Variants in ADCYAP1R1 observed in about 807,000 individuals in gnomAD.
The protein encoded by ADCYAP1R1 is ADCYAP receptor type I.
In ADCYAP1R1, 44 loss-of-function variants were observed where a neutral mutation model predicts 67.6. The observed-to-expected ratio is 0.65, with a 90% CI of 0.51 to 0.84. The LOEUF is 0.84. ADCYAP1R1 is among the 40% of genes least tolerant of loss of function. The pLI is 0.00. For missense variants in ADCYAP1R1, 477 were observed against 587.9 expected (o/e 0.81, Z 1.95); for synonymous variants, 222 against 219.6 (o/e 1.01, Z -0.10).
chr7:31,106,293 C>T (rs1796642546), intron 15 of ADCYAP1R1, among the ~76,000 whole-genome samples: 1 of 152,192 alleles, frequency 6.6e-6, no homozygotes, highest in Non-Finnish European at 1.5e-5. Flanking sequence ...AGGGGCTGTT[C>T]CGGTCAGCTC....
At chr7:31,073,317 A>T (rs547510094) in intron 3 of ADCYAP1R1, among the ~76,000 whole-genome samples, 6 of 152,340 alleles carry the variant, frequency 3.9e-5, no homozygotes, top group Admixed American at 3.3e-4. Context: ...TATGTCTTGA[A>T]TAAATGAGTA....
chr7:31,105,903 G>A (rs1040474778), intron 15 of ADCYAP1R1, among the ~76,000 whole-genome samples: 3 of 152,222 alleles, frequency 2.0e-5, no homozygotes, highest in Non-Finnish European at 4.4e-5. Flanking sequence ...GGCACATGGA[G>A]GCTGAGACTC....
intron 1 of ADCYAP1R1, among the ~76,000 whole-genome samples, chr7:31,060,097 A>G (rs1794433259): frequency 1.3e-5 from 2 of 151,810 alleles, no homozygotes; most frequent in African/African-American, 4.8e-5. Context: ...CCTGGCGATG[A>G]AGCAGAGGGC....
intron 13 of ADCYAP1R1, among the ~76,000 whole-genome samples, chr7:31,095,060 C>T (rs1472539146): frequency 6.6e-6 from 1 of 152,050 alleles, no homozygotes; most frequent in African/African-American, 2.4e-5. Context: ...GTCAAGGAGA[C>T]CCTGTCGGCC....
chr7:31,063,415 C>A, intron 2 of ADCYAP1R1, 100 bp downstream of exon 2: 1 of 1,389,316 alleles, frequency 7.2e-7, no homozygotes, highest in Non-Finnish European at 1.0e-6. Context: ...AGCTCTTCAT[C>A]TGGCTGGTAT....
intron 11 of ADCYAP1R1, 69 bp downstream of exon 11, chr7:31,087,072 G>T (rs1284444638): frequency 1.3e-6 from 2 of 1,553,918 alleles, no homozygotes; most frequent in Admixed American, 1.7e-5. Context: ...CTCAGTAGCT[G>T]CCCTGACTTC....
intron 1 of ADCYAP1R1, among the ~76,000 whole-genome samples, chr7:31,055,611 C>T: frequency 6.6e-6 from 1 of 152,132 alleles, no homozygotes; most frequent in East Asian, 1.9e-4. Flanking sequence ...TCTTTCCAAC[C>T]ATTTAGAAAT....
intron 1 of ADCYAP1R1, among the ~76,000 whole-genome samples, chr7:31,057,858 C>T (rs902864386): frequency 7.2e-5 from 11 of 152,188 alleles, no homozygotes; most frequent in African/African-American, 2.7e-4. Flanking sequence ...GAGTGATGTA[C>T]TTAGCCTGGC....
At chr7:31,083,154 C>T (rs1159435109) in intron 6 of ADCYAP1R1, among the ~76,000 whole-genome samples, 1 of 152,254 alleles carries the variant, frequency 6.6e-6, no homozygotes, top group East Asian at 1.9e-4. Context: ...GAAGAACCAA[C>T]CACATGTGTC....
At chr7:31,066,031 A>G (rs988604474) in intron 3 of ADCYAP1R1, among the ~76,000 whole-genome samples, 16 of 151,844 alleles carry the variant, frequency 1.1e-4, no homozygotes, top group Non-Finnish European at 2.1e-4. Context: ...AGCCCTAACC[A>G]AGGTTGAACG....
At chr7:31,069,005 C>T (rs1794860861) in intron 3 of ADCYAP1R1, among the ~76,000 whole-genome samples, 2 of 152,166 alleles carry the variant, frequency 1.3e-5, no homozygotes, top group Admixed American at 6.5e-5. Flanking sequence ...TGTAGAGCCC[C>T]CAGGAGCATT....
chr7:31,064,741 C>G, intron 2 of ADCYAP1R1, 90 bp from the exon 3 acceptor site: 1 of 1,055,818 alleles, frequency 9.5e-7, no homozygotes, highest in Non-Finnish European at 1.4e-6. Context: ...TCCCCACTCC[C>G]CCCAAGACAC....
intron 1 of ADCYAP1R1, among the ~76,000 whole-genome samples, chr7:31,055,404 T>C (rs1794198573): frequency 6.6e-6 from 1 of 152,106 alleles, no homozygotes; most frequent in Non-Finnish European, 1.5e-5. Flanking sequence ...GGCAACCTTT[T>C]TCTGTAAAGT....
At chr7:31,084,511 A>G (rs1192752490) in intron 7 of ADCYAP1R1, among the ~76,000 whole-genome samples, 2 of 152,248 alleles carry the variant, frequency 1.3e-5, no homozygotes, top group Non-Finnish European at 2.9e-5. Flanking sequence ...TCTTGCCTTC[A>G]ACAGCATATA....
At chr7:31,072,215 G>A (rs1447292556) in intron 3 of ADCYAP1R1, among the ~76,000 whole-genome samples, 2 of 152,172 alleles carry the variant, frequency 1.3e-5, no homozygotes. Context: ...AGAGGTAGGA[G>A]GTGGAGCTCA....
intron 14 of ADCYAP1R1, 59 bp downstream of exon 14, chr7:31,103,425 CTG>C: frequency 6.2e-7 from 1 of 1,610,406 alleles, no homozygotes; most frequent in Non-Finnish European, 8.5e-7. Flanking sequence ...GGTTGCTCAC[CTG>C]CAAGTGGTGC....
intron 3 of ADCYAP1R1, among the ~76,000 whole-genome samples, chr7:31,073,091 A>C (rs755477314): frequency 6.6e-6 from 1 of 152,234 alleles, no homozygotes; most frequent in African/African-American, 2.4e-5. Flanking sequence ...GACCTGCAGG[A>C]ATATAAGATG....
chr7:31,101,753 C>T (rs529763747), intron 13 of ADCYAP1R1, among the ~76,000 whole-genome samples: 1 of 152,282 alleles, frequency 6.6e-6, no homozygotes, highest in South Asian at 2.1e-4. Context: ...CAGCTCCCTG[C>T]CCCAGATAAA....
At chr7:31,095,740 C>T (rs1404342507) in intron 13 of ADCYAP1R1, 1 of 718,022 alleles carries the variant, frequency 1.4e-6, no homozygotes, top group Non-Finnish European at 2.6e-6. Flanking sequence ...CCAGCATTCA[C>T]TCCCTTTCCT....
Sources: gnomAD v4.1 joint callset for allele counts (sites outside exome capture counted in the v4.1 genomes callset) on GRCh38, gnomAD v4.1.1 for gene constraint, MANE v1.5 for transcripts, NCBI Gene and HGNC (gene_info 2026-07-23, HGNC 2026-07-21) for gene names.